Variants in RASEF observed in about 807,000 individuals in gnomAD.
RASEF encodes the protein RAS and EF-hand domain containing.
In RASEF, 68 loss-of-function variants were observed where a neutral mutation model predicts 90.1. The observed-to-expected ratio is 0.75, with a 90% CI of 0.62 to 0.92. The LOEUF (loss-of-function observed/expected upper bound fraction) is 0.92, where lower values mean the gene tolerates loss of function less well. Among genes scored for constraint, RASEF ranks in the 40% least tolerant of loss-of-function variants. RASEF has a pLI of 0.00. For synonymous variants in RASEF, 331 were observed against 345.2 expected (o/e 0.96, Z 0.46); for missense variants, 949 against 937.2 (o/e 1.01, Z -0.16).
chr9:83,099,428 G>A, the RASEF span, among the ~76,000 whole-genome samples: 1 of 152,138 alleles, frequency 6.6e-6, no homozygotes, highest in Non-Finnish European at 1.5e-5. Flanking sequence ...TCACCATACC[G>A]TGTTACGCTA....
rs1395188744 is a variant in RASEF, at chr9:82,982,295, T to C, written c.*382A>G. 1.2e-5 allele frequency: 2 copies of C among 161,464 alleles called. No individual in the cohort carries two copies. Among genetic ancestry groups the C allele is most frequent in the African/African-American group, 4.8e-5 (2 of 41,570 alleles). The allele number at this position is 161,464 out of a possible 1,614,324, so 10.0% of individuals were successfully genotyped here. A position where few individuals can be genotyped will look rare whatever the true frequency, so the allele number is the denominator to read the frequency against. ...CTTACTAGAACTTTAGTATCAAATA[T>C]TTAAATGCTGACTTTGTGGGTAACC... On this transcript the variant is annotated 3_prime_UTR_variant, in exon 17 of 17. Transcript: ENST00000376447.
At chr9:83,206,014 T>C in the RASEF span, among the ~76,000 whole-genome samples, 2 of 152,218 alleles carry the variant, frequency 1.3e-5, no homozygotes, top group Non-Finnish European at 1.5e-5. Context: ...AGATTTTATT[T>C]TGCAGATATC....
At chr9:83,105,970 C>T in the RASEF span, among the ~76,000 whole-genome samples, 1 of 152,144 alleles carries the variant, frequency 6.6e-6, no homozygotes, top group South Asian at 2.1e-4. Flanking sequence ...AAACATGAGG[C>T]CCAGTGACCA....
chr9:83,083,574 A>G, the RASEF span, among the ~76,000 whole-genome samples: 2 of 152,170 alleles, frequency 1.3e-5, no homozygotes, highest in African/African-American at 4.8e-5. Flanking sequence ...CAAAAGAGGC[A>G]AAAAACCCAC....
the RASEF span, among the ~76,000 whole-genome samples, chr9:83,182,150 G>T: frequency 6.6e-6 from 1 of 152,290 alleles, no homozygotes; most frequent in African/African-American, 2.4e-5. Flanking sequence ...GGCCTCATCT[G>T]CAGGATGCAA....
chr9:82,998,498 TTTTACTTTCAAGCCTTCTTTA>T, intron 12 of RASEF, 52 bp from the exon 13 acceptor site: 1 of 1,204,508 alleles, frequency 8.3e-7, no homozygotes, highest in Non-Finnish European at 1.2e-6. Flanking sequence ...TCCATTGGCT[TTTTACTTTCAAGCCTTCTTTA>T]GATGAAGCAA....
chr9:83,058,269 G>C (rs1021367012), intron 1 of RASEF, among the ~76,000 whole-genome samples: 2 of 122,068 alleles, frequency 1.6e-5, no homozygotes, highest in Non-Finnish European at 3.2e-5. Flanking sequence ...TGCAAGCTCC[G>C]CCTCCCGGGT....
chr9:82,987,937 C>T (rs563447173), intron 16 of RASEF, among the ~76,000 whole-genome samples: 3 of 152,294 alleles, frequency 2.0e-5, no homozygotes, highest in African/African-American at 7.2e-5. Flanking sequence ...CAGCTAGTAA[C>T]CACATGCAAG....
intron 7 of RASEF, 41 bp downstream of exon 7, chr9:83,007,396 G>A: frequency 1.4e-6 from 2 of 1,466,786 alleles, no homozygotes; most frequent in Non-Finnish European, 1.9e-6. Flanking sequence ...TAAAAAACAA[G>A]TGAAATGTAA....
At chr9:83,048,011 T>C (rs1829963611) in intron 1 of RASEF, 5 of 542,984 alleles carry the variant, frequency 9.2e-6, no homozygotes, top group Non-Finnish European at 1.2e-5. Flanking sequence ...TGGCAGCTGC[T>C]GTCCAGAGCT....
the RASEF span, among the ~76,000 whole-genome samples, chr9:83,104,692 T>C: frequency 1.3e-5 from 2 of 152,238 alleles, no homozygotes; most frequent in East Asian, 3.8e-4. Context: ...CCAATTATTC[T>C]GCATTTCCCA....
chr9:83,038,482 A>G (rs971751196), intron 1 of RASEF, among the ~76,000 whole-genome samples: 1 of 152,194 alleles, frequency 6.6e-6, no homozygotes, highest in African/African-American at 2.4e-5. Flanking sequence ...TATAGAAAAA[A>G]TTAAGAATAC....
the RASEF span, among the ~76,000 whole-genome samples, chr9:83,162,672 A>G: frequency 6.6e-6 from 1 of 152,222 alleles, no homozygotes; most frequent in Non-Finnish European, 1.5e-5. Flanking sequence ...GTGAGGACAC[A>G]GGGAACACTG....
chr9:82,992,305 C>G (rs2118396742), intron 15 of RASEF, among the ~76,000 whole-genome samples: 1 of 152,236 alleles, frequency 6.6e-6, no homozygotes, highest in Middle Eastern at 3.4e-3. Flanking sequence ...GACATGATGA[C>G]AGATGACACT....
chr9:82,993,936 T>C (rs1376465117), intron 14 of RASEF, among the ~76,000 whole-genome samples: 2 of 152,202 alleles, frequency 1.3e-5, no homozygotes, highest in African/African-American at 2.4e-5. Context: ...ATGATGAGAA[T>C]ACAAGAAGAC....
intron 1 of RASEF, among the ~76,000 whole-genome samples, chr9:83,030,492 T>C (rs981202560): frequency 1.3e-5 from 2 of 152,214 alleles, no homozygotes; most frequent in Non-Finnish European, 2.9e-5. Context: ...AGAAACATAA[T>C]GATTTGTAAA....
the RASEF span, among the ~76,000 whole-genome samples, chr9:83,091,711 A>C: frequency 1.3e-5 from 2 of 152,162 alleles, no homozygotes; most frequent in Admixed American, 6.5e-5. Flanking sequence ...TTCAACAAAC[A>C]ATCCCTGGGA....
At chr9:83,057,020 G>A (rs1037092516) in intron 1 of RASEF, among the ~76,000 whole-genome samples, 16 of 152,122 alleles carry the variant, frequency 1.1e-4, no homozygotes, top group Middle Eastern at 3.2e-3. Flanking sequence ...ATCAGAACCA[G>A]AAGTGGCCAC....
intron 1 of RASEF, among the ~76,000 whole-genome samples, chr9:83,044,348 A>G (rs539082824): frequency 5.3e-5 from 8 of 152,274 alleles, no homozygotes; most frequent in Non-Finnish European, 7.4e-5. Flanking sequence ...TCCAAGATGT[A>G]TCTTCTGTGA....
Sources: gnomAD v4.1 joint callset for allele counts (sites outside exome capture counted in the v4.1 genomes callset) on GRCh38, gnomAD v4.1.1 for gene constraint, MANE v1.5 for transcripts, NCBI Gene and HGNC (gene_info 2026-07-23, HGNC 2026-07-21) for gene names.